Variants in CRISPLD2 observed in about 807,000 individuals in gnomAD.
CRISPLD2 encodes the protein cysteine rich secretory protein LCCL domain containing 2, also known as cysteine-rich secretory protein LCCL domain-containing 2.
A neutral mutation model predicts 71.1 loss-of-function variants in CRISPLD2; 47 were observed. The ratio of observed to expected loss-of-function variants is 0.66; its 90% CI spans 0.52 to 0.84. CRISPLD2 has a LOEUF of 0.84. Among genes scored for constraint, CRISPLD2 ranks in the 40% least tolerant of loss-of-function variants. The pLI, the probability that CRISPLD2 is intolerant of heterozygous loss-of-function variation, is 0.00. For synonymous variants in CRISPLD2, 317 were observed against 250.1 expected (o/e 1.27, Z -2.52); for missense variants, 830 against 651.1 (o/e 1.27, Z -2.99).
intron 14 of CRISPLD2, among the ~76,000 whole-genome samples, chr16:84,891,164 C>T (rs527280211): frequency 6.6e-6 from 1 of 152,292 alleles, no homozygotes; most frequent in African/African-American, 2.4e-5. Context: ...GGACCACAGG[C>T]GAGCTCGTAA....
At chr16:84,900,550 A>ACACAGCGCTGGGAGGCATCG (rs754722463) in intron 14 of CRISPLD2, among the ~76,000 whole-genome samples, 4 of 30,170 alleles carry the variant, frequency 1.3e-4, no homozygotes, top group East Asian at 3.3e-3. Context: ...GGGAGGCATC[A>ACACAGCGCTGGGAGGCATCG]CACAGCGCTG....
chr16:84,849,628 C>T (rs893726673), intron 4 of CRISPLD2, 111 bp downstream of exon 4: 10 of 1,216,252 alleles, frequency 8.2e-6, no homozygotes, highest in South Asian at 5.6e-5. Flanking sequence ...TTGTTGCCTT[C>T]ATTTTTAAAA....
At chr16:84,867,459 T>C (rs1219906722) in intron 7 of CRISPLD2, among the ~76,000 whole-genome samples, 1 of 152,186 alleles carries the variant, frequency 6.6e-6, no homozygotes. Flanking sequence ...ATCCATGAAG[T>C]AGGGGATAGA....
intron 3 of CRISPLD2, among the ~76,000 whole-genome samples, chr16:84,848,985 CAAAAAAAA>C: frequency 9.4e-6 from 1 of 106,732 alleles, no homozygotes; most frequent in East Asian, 2.8e-4. Context: ...GACTCCGTCT[CAAAAAAAA>C]AAAAAAAAAA....
chr16:84,879,732 C>T (rs80009134), intron 12 of CRISPLD2, among the ~76,000 whole-genome samples: 1 of 152,126 alleles, frequency 6.6e-6, no homozygotes, highest in Non-Finnish European at 1.5e-5. Flanking sequence ...CTCCCAGCCC[C>T]TAAGAACTGT....
rs777125503 is a variant in CRISPLD2 at position 84,845,890 on chromosome 16, C to A, written c.345C>A (p.Gly115=). 4 of 1,611,916 alleles carry A rather than the reference C, an allele frequency of 2.5e-6. No homozygotes were observed. The highest frequency in any genetic ancestry group is 3.4e-6 in the Non-Finnish European group (4 of 1,178,196). Residue 115 remains glycine (G), a synonymous_variant, in exon 3 of 15, where the codon GGC becomes GGA. Transcript: ENST00000262424. ...SLLVSIGQNL[G]AHWGRYRSPG... ...TGGTGTCCATCGGGCAGAACCTGGGCGCTCACTGGGGCAGGTAAGAGCCAC... is the reference window on the plus strand; with the variant it reads ...TGGTGTCCATCGGGCAGAACCTGGGAGCTCACTGGGGCAGGTAAGAGCCAC...
intron 5 of CRISPLD2, among the ~76,000 whole-genome samples, chr16:84,851,900 C>T (rs2641696): frequency 0.55 from 83,893 of 152,058 alleles, 24,505 homozygotes; most frequent in East Asian, 0.8. Context: ...GTATACAGTG[C>T]GACACAGTCT....
intron 6 of CRISPLD2, among the ~76,000 whole-genome samples, chr16:84,864,197 G>A (rs978659204): frequency 2.0e-5 from 3 of 152,070 alleles, no homozygotes; most frequent in Admixed American, 6.6e-5. Context: ...ACCTCTGCAC[G>A]GAATTTCCCC....
intron 8 of CRISPLD2, 130 bp from the exon 9 acceptor site, chr16:84,872,312 A>G: frequency 2.5e-6 from 2 of 793,182 alleles, no homozygotes; most frequent in East Asian, 2.7e-5. Context: ...GTCCAAAAAC[A>G]ATGGAATCCA....
At chr16:84,898,328 C>T (rs1294618383) in intron 14 of CRISPLD2, among the ~76,000 whole-genome samples, 3 of 152,220 alleles carry the variant, frequency 2.0e-5, no homozygotes, top group East Asian at 1.9e-4. Context: ...AAATCCGCCC[C>T]ACTCCCATTC....
At chr16:84,827,268 G>A (rs1259102218) in intron 1 of CRISPLD2, among the ~76,000 whole-genome samples, 2 of 152,168 alleles carry the variant, frequency 1.3e-5, no homozygotes, top group Admixed American at 1.3e-4. Context: ...TGAGCACCGT[G>A]TCTGCGGGGT....
chr16:84,870,273 A>C (rs1177772700), intron 8 of CRISPLD2, among the ~76,000 whole-genome samples: 1 of 127,164 alleles, frequency 7.9e-6, no homozygotes, highest in African/African-American at 3.2e-5. Flanking sequence ...ATTTCCTTCC[A>C]GTCTTTTTTT....
At chr16:84,835,881 C>A (rs898058373) in intron 1 of CRISPLD2, among the ~76,000 whole-genome samples, 1 of 152,200 alleles carries the variant, frequency 6.6e-6, no homozygotes, top group African/African-American at 2.4e-5. Context: ...TTAAAAACAG[C>A]ATTTGACTCC....
chr16:84,868,275 T>C (rs1025604616), intron 7 of CRISPLD2, among the ~76,000 whole-genome samples: 1 of 152,254 alleles, frequency 6.6e-6, no homozygotes, highest in African/African-American at 2.4e-5. Flanking sequence ...TGCCATTGTT[T>C]CTTTTAATAA....
At chr16:84,884,912 G>A (rs574639749) in intron 13 of CRISPLD2, among the ~76,000 whole-genome samples, 1 of 152,350 alleles carries the variant, frequency 6.6e-6, no homozygotes, top group East Asian at 1.9e-4. Context: ...TTTAGAGGTT[G>A]AGTTTGTGAC....
rs528915685 is a variant in CRISPLD2 at position 84,902,546 on chromosome 16, G to T, written c.1440-4042G>T. Among the ~76,000 whole-genome samples the T allele has an allele frequency of 3.9e-3, 584 of 151,462 alleles. 2 individuals are homozygous for T. Among genetic ancestry groups the T allele is most frequent in the African/African-American group, 0.013 (547 of 41,328 alleles). On this transcript the variant is annotated intron_variant, in intron 14 of 14. Coordinates refer to ENST00000262424, the MANE Select transcript of CRISPLD2 (RefSeq NM_031476.4). ...AATGGCATGAACCCAGGAGGTGGAG[G>T]TTGCAGTGAGCAGAGATCACGCCAC...
intron 14 of CRISPLD2, among the ~76,000 whole-genome samples, chr16:84,899,757 C>G (rs71386876): frequency 0.16 from 24,372 of 152,168 alleles, 2,254 homozygotes; most frequent in South Asian, 0.25. Context: ...CTGGCCATGT[C>G]TACATCTGGA....
chr16:84,899,945 C>T (rs973965704), intron 14 of CRISPLD2, among the ~76,000 whole-genome samples: 4 of 152,128 alleles, frequency 2.6e-5, no homozygotes, highest in African/African-American at 9.7e-5. Context: ...AACTTGTGGC[C>T]CTGGTTGGTT....
chr16:84,893,265 C>T (rs1385902732), intron 14 of CRISPLD2, among the ~76,000 whole-genome samples: 1 of 152,146 alleles, frequency 6.6e-6, no homozygotes, highest in East Asian at 1.9e-4. Flanking sequence ...TGTGTCCAGC[C>T]CTCGGCTAGC....
Sources: gnomAD v4.1 joint callset for allele counts (sites outside exome capture counted in the v4.1 genomes callset) on GRCh38, gnomAD v4.1.1 for gene constraint, MANE v1.5 for transcripts, NCBI Gene and HGNC (gene_info 2026-07-23, HGNC 2026-07-21) for gene names.